Variants in PARP10 observed in about 807,000 individuals in gnomAD.
PARP10 encodes the protein protein mono-ADP-ribosyltransferase PARP10.
A neutral mutation model predicts 82.4 loss-of-function variants in PARP10; 56 were observed. The observed-to-expected ratio is 0.68, with a 90% CI of 0.55 to 0.85. The LOEUF (loss-of-function observed/expected upper bound fraction) is 0.85. Among genes scored for constraint, PARP10 ranks in the 40% least tolerant of loss-of-function variants. The pLI, the probability that PARP10 is intolerant of heterozygous loss-of-function variation, is 0.00. For missense variants in PARP10, 1,227 were observed against 1,379.4 expected, an observed-to-expected ratio of 0.89 and a Z score of 1.75; for synonymous variants, 576 against 601.1, an observed-to-expected ratio of 0.96 and a Z score of 0.61.
chr8:144,002,475 C>T (rs1554751754), intron 1 of PARP10, among the ~76,000 whole-genome samples: 2 of 152,098 alleles, frequency 1.3e-5, no homozygotes, highest in African/African-American at 4.8e-5. Context: ...ATACTCAGGA[C>T]ACTTCTTCTG....
chr8:143,980,578 T>C (rs1554747512), intron 9 of PARP10, among the ~76,000 whole-genome samples: 1 of 151,182 alleles, frequency 6.6e-6, no homozygotes, highest in East Asian at 1.9e-4. Context: ...TGTTTAAACA[T>C]ATATGTTCAC....
upstream of PARP10, among the ~76,000 whole-genome samples, chr8:143,994,709 C>T (rs1834149985): frequency 6.6e-6 from 1 of 152,182 alleles, no homozygotes; most frequent in South Asian, 2.1e-4. Flanking sequence ...TCCTGGAGTC[C>T]ACCTTGCCCT....
chr8:144,001,714 G>GAAGAGAAGAGAA (rs1298804476), intron 1 of PARP10, among the ~76,000 whole-genome samples: 2 of 151,818 alleles, frequency 1.3e-5, no homozygotes, highest in African/African-American at 4.8e-5. Flanking sequence ...CTCAAAAAGA[G>GAAGAGAAGAGAA]AAGAGAAGAG....
chr8:143,987,869 T>C (rs1235851756), upstream of PARP10, among the ~76,000 whole-genome samples: 1 of 151,454 alleles, frequency 6.6e-6, no homozygotes, highest in African/African-American at 2.4e-5. Context: ...CCAACCAAGG[T>C]GATAGAGTGA....
In PARP10 at chr8:143,983,490, T is replaced by C; in HGVS notation, c.2099A>G (p.Asp700Gly). 6.2e-7 allele frequency: 1 copy of C among 1,606,606 alleles called. No individual in the cohort carries two copies. Among genetic ancestry groups the C allele is most frequent in the East Asian group, 2.2e-5 (1 of 44,676 alleles). Reference sequence around the variant, plus strand: ...CTGGGCCTTGCCATCAGTCCCCCCATCTGGGGGCTCTTCTGCCTCCAACGG... The same window carrying C: ...CTGGGCCTTGCCATCAGTCCCCCCACCTGGGGGCTCTTCTGCCTCCAACGG... ...QPPLEAEEPP[D>G]GGTDGKAQLV... is the part of the protein sequence containing the mutation. The change falls in exon 8 of 11, where the codon GAT becomes GGT. Residue 700 changes from aspartate (D) to glycine (G), a missense_variant. By Grantham distance (94) the Asp-to-Gly change is moderately conservative (BLOSUM62 -1). Transcript: ENST00000313028.
At chr8:143,987,842 G>C (rs1380024841), upstream of PARP10, among the ~76,000 whole-genome samples, 1 of 151,972 alleles carries the variant, frequency 6.6e-6, no homozygotes, top group Non-Finnish European at 1.5e-5. Flanking sequence ...AGTGAGCTGA[G>C]ATCGTGCCAC....
At chr8:143,993,313 C>T (rs1834131913), upstream of PARP10, 3 of 170,134 alleles carry the variant, frequency 1.8e-5, no homozygotes, top group South Asian at 2.7e-4. Context: ...TATCCCTGTG[C>T]TGAGCCCTGA....
At position 144,003,377 on chromosome 8, in the gene PARP10, T is replaced by C. The variant is rs551928148; in HGVS notation, c.-80+9153A>G. Among the ~76,000 whole-genome samples the C allele has an allele frequency of 4.3e-4, 62 of 143,176 alleles. No individual in the cohort carries two copies. In the South Asian group the frequency reaches 4.3e-3, roughly 10 times the overall value. 93.9% of individuals were successfully genotyped at this position (143,176 alleles called of 152,430 possible). On this transcript the variant is annotated intron_variant, in intron 1 of 3. Transcript: ENST00000530478. ...GGCGAAGGTTGCAGTGAGCCAAGAT[T>C]GAGATTGCGCCACTGCACTCCAGCC...
intron 1 of PARP10, among the ~76,000 whole-genome samples, chr8:143,998,342 A>G (rs781966880): frequency 1.4e-4 from 21 of 152,340 alleles, no homozygotes; most frequent in Admixed American, 2.6e-4. Context: ...GAGCTTTAGC[A>G]AAACTACAAC....
chr8:143,981,421 TGAA>T (rs1554747716), intron 9 of PARP10, among the ~76,000 whole-genome samples: 3 of 53,758 alleles, frequency 5.6e-5, no homozygotes, highest in East Asian at 9.4e-4. Context: ...CAGTGAGTGG[TGAA>T]GGTGGTGGTG....
At chr8:143,996,824 G>A (rs1419882571) in intron 1 of PARP10, among the ~76,000 whole-genome samples, 5 of 152,198 alleles carry the variant, frequency 3.3e-5, no homozygotes, top group South Asian at 2.1e-4. Context: ...GACTCGCAGC[G>A]GGCTGAGGAG....
rs1465832429 is a variant in PARP10, at chr8:143,978,047, T to C, written c.2591A>G (p.Gln864Arg). Residue 864 changes from glutamine (Q) to arginine (R), a missense_variant, in exon 10 of 11, where the codon CAG becomes CGG. Gln to Arg is a conservative substitution (Grantham distance 43). Coordinates refer to ENST00000313028, the MANE Select transcript of PARP10 (RefSeq NM_032789.5). Reference protein sequence around the residue: ...ERVSHPLLQQQYELYRERLLQ... With the variant: ...ERVSHPLLQQRYELYRERLLQ... ...CAGGCGCTCCCGGTACAGCTCATAC[T>C]GCTGCTGCAGCAGCGGGTGCGACAC... 1 of 1,555,190 alleles carries C rather than the reference T, an allele frequency of 6.4e-7. No individual in the cohort carries two copies. The highest frequency in any genetic ancestry group is 8.7e-7 in the Non-Finnish European group (1 of 1,154,474).
At chr8:143,987,985 C>T (rs186081200), upstream of PARP10, among the ~76,000 whole-genome samples, 741 of 151,418 alleles carry the variant, frequency 4.9e-3, 7 homozygotes, top group Admixed American at 9.6e-3. Context: ...CCCATGCCCC[C>T]TGCACACCCT....
chr8:143,982,727 A>G (rs529401959), intron 9 of PARP10, among the ~76,000 whole-genome samples: 1 of 152,262 alleles, frequency 6.6e-6, no homozygotes, highest in Non-Finnish European at 1.5e-5. Context: ...GGCCTATCAG[A>G]TCCCAAGGCC....
chr8:144,009,444 T>A (rs1554752279), intron 1 of PARP10, among the ~76,000 whole-genome samples: 1 of 152,178 alleles, frequency 6.6e-6, no homozygotes, highest in African/African-American at 2.4e-5. Flanking sequence ...CTGCTGTATG[T>A]CCTCTGCGGC....
At chr8:144,012,319 G>A (rs1156349053) in intron 1 of PARP10, 2 of 598,834 alleles carry the variant, frequency 3.3e-6, no homozygotes, top group Admixed American at 3.0e-5. Flanking sequence ...CAGGCCTGGT[G>A]GCATGGAGAG....
rs1554748242 is a variant in PARP10, at chr8:143,983,470, C to A, written c.2119G>T (p.Ala707Ser). 6 of 1,606,894 alleles carry A rather than the reference C, an allele frequency of 3.7e-6. No individual in the cohort carries two copies. Among genetic ancestry groups the A allele is most frequent in the Admixed American group, 1.7e-5 (1 of 59,810 alleles). Residue 707 changes from alanine (A) to serine (S), a missense_variant, in exon 8 of 11, where the codon GCC becomes TCC. Coordinates refer to ENST00000313028, the MANE Select transcript of PARP10 (RefSeq NM_032789.5). ...EPPDGGTDGK[A>S]QLVVHSAFEQ... ...AAGGCCGAGTGCACCACCAGCTGGG[C>A]CTTGCCATCAGTCCCCCCATCTGGG... is the stretch of plus-strand genomic sequence containing the variant.
In PARP10 at chr8:144,008,769, T is replaced by C. The variant is rs528433594; in HGVS notation, c.-80+3761A>G. Among the ~76,000 whole-genome samples the C allele has an allele frequency of 1.3e-5, 2 of 152,346 alleles. No individual in the cohort carries two copies. Among genetic ancestry groups the C allele is most frequent in the South Asian group, 4.1e-4 (2 of 4,830 alleles). Reference sequence around the variant, plus strand: ...AAATGGATGTGGATACATTTTTGGATGAATCTCACTCCCAAACTTGTGGTA... The same window carrying C: ...AAATGGATGTGGATACATTTTTGGACGAATCTCACTCCCAAACTTGTGGTA... On this transcript the variant is annotated intron_variant, in intron 1 of 3. Transcript: ENST00000530478. This position sits in a 1 kb window ranked among gnomAD's most constrained non-coding sequence, Gnocchi z 4.0.
At chr8:143,991,450 A>C, upstream of PARP10, 1 of 1,476,552 alleles carries the variant, frequency 6.8e-7, no homozygotes, top group Non-Finnish European at 9.0e-7. Context: ...CCCTACCCCC[A>C]AGGGGGCTAC....
Sources: allele counts gnomAD v4.1 joint callset (sites outside exome capture counted in the v4.1 genomes callset), GRCh38; gene constraint gnomAD v4.1.1; non-coding constraint Gnocchi (gnomAD v3.1); transcripts MANE v1.5; gene names NCBI Gene and HGNC (gene_info 2026-07-23, HGNC 2026-07-21).